Variants in FGF20 observed in about 807,000 individuals in gnomAD.
The protein encoded by FGF20 is fibroblast growth factor 20.
A neutral mutation model predicts 16.7 loss-of-function variants in FGF20; 8 were observed. The observed-to-expected ratio is 0.48, with a 90% confidence interval of 0.28 to 0.87. The LOEUF is 0.87. Among genes scored for constraint, FGF20 ranks in the 40% least tolerant of loss-of-function variants. The pLI is 0.10. For missense variants in FGF20, 397 were observed against 281.4 expected (o/e 1.41, Z -2.94); for synonymous variants, 161 against 118.6 (o/e 1.36, Z -2.32).
intron 1 of FGF20, among the ~76,000 whole-genome samples, chr8:17,001,356 G>A (rs2410535): frequency 0.37 from 56,028 of 151,862 alleles, 11,526 homozygotes; most frequent in East Asian, 0.52. Flanking sequence ...GAAACATACA[G>A]GGATTTTTTT....
rs1446860626 is a variant in FGF20 at position 16,993,032 on chromosome 8, T to C, written c.*40A>G. ...TGATGGGAACTATGACAAGAAAGAA[T>C]GGTTGTGGTTTGACTCTTCCATAAT... is the stretch of plus-strand genomic sequence containing the variant. On this transcript the variant is annotated 3_prime_UTR_variant, in exon 3 of 3. Coordinates refer to ENST00000180166, the MANE Select transcript of FGF20 (RefSeq NM_019851.3). 2.5e-6 allele frequency: 4 copies of C among 1,590,960 alleles called. No individual in the cohort carries two copies. The highest frequency in any genetic ancestry group is 3.4e-6 in the Non-Finnish European group (4 of 1,169,162).
chr8:16,993,352 A>C (rs1392141179), intron 2 of FGF20, 35 bp from the exon 3 acceptor site: 8 of 1,548,834 alleles, frequency 5.2e-6, no homozygotes, highest in Non-Finnish European at 8.7e-7. Context: ...TTTTTTAAAA[A>C]AATACCTTTG....
At chr8:16,996,003 G>A (rs1370710446) in intron 1 of FGF20, among the ~76,000 whole-genome samples, 1 of 152,194 alleles carries the variant, frequency 6.6e-6, no homozygotes, top group Non-Finnish European at 1.5e-5. Flanking sequence ...GGTTCCCAGA[G>A]AACCTCTGAC....
chr8:16,996,771 A>G (rs17515097), intron 1 of FGF20, among the ~76,000 whole-genome samples: 399 of 152,324 alleles, frequency 2.6e-3, no homozygotes, highest in African/African-American at 9.2e-3. Context: ...CCCATTTTAC[A>G]TATAAAGAAA....
At chr8:17,001,424 T>C (rs17549962) in intron 1 of FGF20, among the ~76,000 whole-genome samples, 46,397 of 151,840 alleles carry the variant, frequency 0.31, 8,333 homozygotes, top group African/African-American at 0.49. Flanking sequence ...CACCAGGTCT[T>C]GGTGTCCCCG....
At chr8:16,996,762 C>T (rs1810060421) in intron 1 of FGF20, among the ~76,000 whole-genome samples, 1 of 152,072 alleles carries the variant, frequency 6.6e-6, no homozygotes, top group African/African-American at 2.4e-5. Flanking sequence ...ATTATTATCC[C>T]CATTTTACAT....
In FGF20 at chr8:17,001,897, G is replaced by T. The variant is rs764839951; in HGVS notation, c.136C>A (p.Arg46=). 3 of 1,460,150 alleles carry T rather than the reference G, an allele frequency of 2.1e-6. No homozygotes were observed. The highest frequency in any genetic ancestry group is 3.0e-5 in the African/African-American group (2 of 67,196). 90.4% of individuals were successfully genotyped at this position (1,460,150 alleles called of 1,614,324 possible). ...LLGERRSAAE[R]SARGGPGAAQ... ...GCCCCCGGCCCGCCGCGCGCGCTCCGCTCCGCCGCGCTCCTGCGCTCGCCC... is the reference window on the plus strand; with the variant it reads ...GCCCCCGGCCCGCCGCGCGCGCTCCTCTCCGCCGCGCTCCTGCGCTCGCCC... The change falls in exon 1 of 3, where the codon CGG becomes AGG. Residue 46 remains arginine, a synonymous_variant. Transcript: ENST00000180166.
rs1251593988 is a variant in FGF20, at chr8:17,002,037, G to A, written c.-5C>T. On this transcript the variant is annotated 5_prime_UTR_variant, in exon 1 of 3. Coordinates refer to ENST00000180166, the MANE Select transcript of FGF20 (RefSeq NM_019851.3). Reference sequence around the variant, plus strand: ...GACTTCGGCTAAGGGAGCCATGGAGGGGGAGATCCGGAACACAAAAGACCC... The same window carrying A: ...GACTTCGGCTAAGGGAGCCATGGAGAGGGAGATCCGGAACACAAAAGACCC... The A allele has an allele frequency of 1.3e-6, 2 of 1,537,054 alleles. No individual in the cohort carries two copies. The highest frequency in any genetic ancestry group is 2.7e-5 in the East Asian group (1 of 37,426).
intron 1 of FGF20, among the ~76,000 whole-genome samples, chr8:16,997,635 T>C (rs1392837391): frequency 6.6e-6 from 1 of 152,072 alleles, no homozygotes; most frequent in East Asian, 1.9e-4. Context: ...TGCTAAATAG[T>C]CTATAAGTGG....
chr8:16,997,337 C>T (rs1350874378), intron 1 of FGF20, among the ~76,000 whole-genome samples: 1 of 152,158 alleles, frequency 6.6e-6, no homozygotes, highest in Non-Finnish European at 1.5e-5. Flanking sequence ...TTCACCCCAT[C>T]CTGAGCTCTA....
chr8:16,993,451 T>G, intron 2 of FGF20, 134 bp from the exon 3 acceptor site: 1 of 921,538 alleles, frequency 1.1e-6, no homozygotes, highest in Non-Finnish European at 1.6e-6. Context: ...TTGCTTTATT[T>G]TGTTTTAGTT....
At chr8:16,993,879 G>A (rs1245570974) in intron 2 of FGF20, among the ~76,000 whole-genome samples, 1 of 152,066 alleles carries the variant, frequency 6.6e-6, no homozygotes, top group African/African-American at 2.4e-5. Context: ...TAATGCTGCC[G>A]CTGATCTCAC....
At chr8:16,997,066 T>C (rs1213497860) in intron 1 of FGF20, among the ~76,000 whole-genome samples, 1 of 152,224 alleles carries the variant, frequency 6.6e-6, no homozygotes, top group African/African-American at 2.4e-5. Flanking sequence ...GCAAGTAGAT[T>C]TACTATCAAT....
intron 1 of FGF20, among the ~76,000 whole-genome samples, chr8:16,999,518 C>CCT (rs1810132766): frequency 3.5e-5 from 3 of 85,836 alleles, no homozygotes; most frequent in Admixed American, 3.6e-4. Flanking sequence ...TACAAGTTTC[C>CCT]TTTTTTTTTT....
At chr8:16,996,307 A>G (rs1444990436) in intron 1 of FGF20, among the ~76,000 whole-genome samples, 2 of 152,166 alleles carry the variant, frequency 1.3e-5, no homozygotes, top group Non-Finnish European at 2.9e-5. Context: ...TACTACGACA[A>G]TGGTATAATG....
At chr8:16,999,167 T>C (rs1393812618) in intron 1 of FGF20, among the ~76,000 whole-genome samples, 2 of 152,190 alleles carry the variant, frequency 1.3e-5, no homozygotes, top group Non-Finnish European at 2.9e-5. Flanking sequence ...GGCCATTCAC[T>C]CCCAGACTAA....
At chr8:16,993,723 G>A (rs760497786) in intron 2 of FGF20, among the ~76,000 whole-genome samples, 79 of 152,172 alleles carry the variant, frequency 5.2e-4, no homozygotes, top group Non-Finnish European at 8.2e-4. Flanking sequence ...GGAGCCCTGA[G>A]CTTGTTTTCT....
In FGF20 at chr8:17,001,464, A is replaced by G. The variant is rs143696259; in HGVS notation, c.286+283T>C. Among the ~76,000 whole-genome samples, 1,173 of 152,170 alleles carry G rather than the reference A, an allele frequency of 7.7e-3. 12 individuals carry two copies. Among genetic ancestry groups the G allele is most frequent in the African/African-American group, 0.026 (1,075 of 41,522 alleles). ...TGGGAAGGGCAAGGGGAAGGCAGGA[A>G]GGAGCTTGCGAAGCGCCCACCCTTT... On this transcript the variant is annotated intron_variant, in intron 1 of 2. Coordinates refer to ENST00000180166, the MANE Select transcript of FGF20 (RefSeq NM_019851.3).
chr8:17,001,225 C>T (rs17549969), intron 1 of FGF20, among the ~76,000 whole-genome samples: 12,391 of 152,236 alleles, frequency 0.081, 685 homozygotes, highest in Middle Eastern at 0.16. Context: ...ATGCCCAGAG[C>T]AGCCCCGGGT....
Sources: gnomAD v4.1 joint callset for allele counts (sites outside exome capture counted in the v4.1 genomes callset) on GRCh38, gnomAD v4.1.1 for gene constraint, MANE v1.5 for transcripts, NCBI Gene and HGNC (gene_info 2026-07-23, HGNC 2026-07-21) for gene names.